Variants in TOPORS observed in about 807,000 individuals in gnomAD.
TOPORS encodes TOP1 binding arginine/serine rich protein, E3 ubiquitin ligase.
TOPORS carries 25 observed loss-of-function variants against 81.4 expected under a neutral mutation model. That is an observed-to-expected ratio of 0.31 (90% CI 0.22 to 0.43). The LOEUF (loss-of-function observed/expected upper bound fraction) is 0.43. TOPORS is among the 20% of genes least tolerant of loss of function. TOPORS has a pLI of 1.00. For missense variants in TOPORS, 1,101 were observed against 1,267.0 expected, an observed-to-expected ratio of 0.87 and a Z score of 1.99; for synonymous variants, 473 against 456.6, an observed-to-expected ratio of 1.04 and a Z score of -0.46.
chr9:32,552,471 T>A lies in TOPORS; in HGVS notation c.-35A>T. On this transcript the variant is annotated 5_prime_UTR_variant, in exon 1 of 3. Coordinates refer to ENST00000360538, the MANE Select transcript of TOPORS (RefSeq NM_005802.5). ...AAGTCGTCGCACGCTGGACTGGATTTATTCAGTGGTAAGTCCCGGGGATCG... is the reference window on the plus strand; with the variant it reads ...AAGTCGTCGCACGCTGGACTGGATTAATTCAGTGGTAAGTCCCGGGGATCG... 1.9e-6 allele frequency: 3 copies of A among 1,598,428 alleles called. No homozygotes were observed. Among genetic ancestry groups the A allele is most frequent in the Non-Finnish European group, 2.6e-6 (3 of 1,173,002 alleles).
intron 2 of TOPORS, among the ~76,000 whole-genome samples, chr9:32,546,354 G>A (rs1434624396): frequency 1.3e-5 from 2 of 152,182 alleles, no homozygotes; most frequent in East Asian, 3.8e-4. Context: ...TGTGTGTGTG[G>A]TAGAGGGAAG....
rs1821046647 is a variant in TOPORS at position 32,540,950 on chromosome 9, A to G, written c.*437T>C. On this transcript the variant is annotated 3_prime_UTR_variant, in exon 3 of 3. Transcript: ENST00000360538. ...CTGAAGAAATGGTTTTGAATCATAT[A>G]AATTTTTAAGAAGAAAAATAAAGAC... 2 of 155,114 alleles carry G rather than the reference A, an allele frequency of 1.3e-5. No individual in the cohort carries two copies. Among genetic ancestry groups the G allele is most frequent in the Non-Finnish European group, 2.9e-5 (2 of 69,648 alleles). 9.6% of individuals were successfully genotyped at this position (155,114 alleles called of 1,614,324 possible).
chr9:32,550,131 T>C (rs1020319701), intron 2 of TOPORS, among the ~76,000 whole-genome samples: 3 of 152,208 alleles, frequency 2.0e-5, no homozygotes, highest in Non-Finnish European at 4.4e-5. Flanking sequence ...AAATTACCTA[T>C]CAAAAGGTCT....
At position 32,543,499 on chromosome 9, in the gene TOPORS, T is replaced by G; in HGVS notation, c.1026A>C (p.Pro342=). ...AATGCTCAGTTCGATTAAGTAAAAA[T>G]GGTCTTAAATCAGACACAAATGCCT... ...ESQAFVSDLR[P]FLLNRTEHFI... Residue 342 remains proline (P), a synonymous_variant, in exon 3 of 3, where the codon CCA becomes CCC. Transcript: ENST00000360538. The surrounding 1 kb of genome is among the most constrained non-coding windows in gnomAD (Gnocchi z 5.6). The G allele has an allele frequency of 6.2e-7, 1 of 1,613,864 alleles. No individual in the cohort carries two copies. The highest frequency in any genetic ancestry group is 8.5e-7 in the Non-Finnish European group (1 of 1,179,992).
At chr9:32,549,596 A>G (rs1484878844) in intron 2 of TOPORS, among the ~76,000 whole-genome samples, 1 of 152,218 alleles carries the variant, frequency 6.6e-6, no homozygotes, top group East Asian at 1.9e-4. Flanking sequence ...AATGTTCTCT[A>G]TGTTACGTGA....
rs777171069 is a variant in TOPORS at position 32,550,943 on chromosome 9, G to T, written c.29C>A (p.Pro10Gln). The part of the protein sequence containing the change: MGSQPPLGS[P>Q]LSREEGEAPP... ...CGCTTCACCCTCCTCGCGAGACAGC[G>T]GAGACCCCAGCGGCGGCTGCGACCC... The change falls in exon 2 of 3, where the codon CCG becomes CAG. Residue 10 changes from proline to glutamine, a missense_variant. By Grantham distance (76) the Pro-to-Gln change is moderately conservative. Transcript: ENST00000360538. 31 of 1,612,020 alleles carry T rather than the reference G, an allele frequency of 1.9e-5. No homozygotes were observed. The highest frequency in any genetic ancestry group is 1.0e-4 in the Admixed American group (6 of 60,002).
At chr9:32,548,845 C>T (rs1235159788) in intron 2 of TOPORS, among the ~76,000 whole-genome samples, 8 of 151,988 alleles carry the variant, frequency 5.3e-5, no homozygotes, top group Non-Finnish European at 1.2e-4. Context: ...AATAACAATT[C>T]GGGGAAATTT....
In TOPORS at chr9:32,543,565, A is replaced by G. The variant is rs768937020; in HGVS notation, c.960T>C (p.His320=). The change falls in exon 3 of 3, where the codon CAT becomes CAC. Residue 320 remains histidine (H), a synonymous_variant. Transcript: ENST00000360538. This position sits in a 1 kb window ranked among gnomAD's most constrained non-coding sequence, Gnocchi z 5.6. ...AGCGAGTAACATTACTCATGATAATATGCTGGACAATATTCACTAAAGATC... is the reference window on the plus strand; with the variant it reads ...AGCGAGTAACATTACTCATGATAATGTGCTGGACAATATTCACTAAAGATC... ...AHGSLVNIVQ[H]IIMSNVTRYD... The G allele has an allele frequency of 6.2e-7, 1 of 1,613,766 alleles. No homozygotes were observed. The highest frequency in any genetic ancestry group is 1.3e-5 in the African/African-American group (1 of 75,044).
rs370068052 is a variant in TOPORS, at chr9:32,542,761, G to C, written c.1764C>G (p.Asn588Lys). Residue 588 changes from asparagine to lysine, a missense_variant, in exon 3 of 3, where the codon AAC becomes AAG. Around this residue, in one of 9 missense-constraint regions of TOPORS, gnomAD observed 605 missense variants for 636.1 expected, o/e 0.95. Coordinates refer to ENST00000360538, the MANE Select transcript of TOPORS (RefSeq NM_005802.5). ...VRGDRVYSPY[N>K]HRHRKRGRSR... ...ATCTTCCCCTCTTTCTGTGTCTATG[G>C]TTATATGGAGAATATACTCTGTCTC... 1 of 1,613,824 alleles carries C rather than the reference G, an allele frequency of 6.2e-7. No homozygotes were observed. Among genetic ancestry groups the C allele is most frequent in the African/African-American group, 1.3e-5 (1 of 74,888 alleles).
intron 1 of TOPORS, among the ~76,000 whole-genome samples, chr9:32,552,013 AAGCGTTAATTCTTCC>A (rs1400470681): frequency 1.2e-4 from 18 of 152,122 alleles, no homozygotes; most frequent in African/African-American, 4.3e-4. Flanking sequence ...GCGGGGGAGA[AAGCGTTAATTCTTCC>A]AGCTTTAGAG....
rs1464598287 is a variant in TOPORS at position 32,543,697 on chromosome 9, GCCA to G, written c.825_827del (p.Gly276del). ...ATTCAGCTGAAATATCCCTGTAGCG[GCCA>G]CCATCTTCAATATTTCTAACTCGAG... On this transcript the variant is annotated inframe_deletion, in exon 3 of 3. Transcript: ENST00000360538. The surrounding 1 kb of genome is among the most constrained non-coding windows in gnomAD (Gnocchi z 5.6). 6.2e-7 allele frequency: 1 copy of G among 1,612,870 alleles called. No individual in the cohort carries two copies. Among genetic ancestry groups the G allele is most frequent in the East Asian group, 2.2e-5 (1 of 44,872 alleles).
In TOPORS at chr9:32,542,973, G is replaced by C. The variant is rs1238603028; in HGVS notation, c.1552C>G (p.Gln518Glu). 2 of 1,614,052 alleles carry C rather than the reference G, an allele frequency of 1.2e-6. No individual in the cohort carries two copies. Among genetic ancestry groups the C allele is most frequent in the Admixed American group, 1.7e-5 (1 of 60,008 alleles). Residue 518 changes from glutamine to glutamate, a missense_variant, in exon 3 of 3, where the codon CAG (glutamine) becomes GAG (glutamate). By Grantham distance (29) the Gln-to-Glu change is conservative (BLOSUM62 2). This residue lies in a region of TOPORS where 605 missense variants were observed against 636.1 expected (regional missense o/e 0.95). Coordinates refer to ENST00000360538, the MANE Select transcript of TOPORS (RefSeq NM_005802.5). Reference sequence around the variant, plus strand: ...TCACCAGAACTGTAAGATTGCTCCTGTTCTTGTGTCTTCACTGTCTCCATT... The same window carrying C: ...TCACCAGAACTGTAAGATTGCTCCTCTTCTTGTGTCTTCACTGTCTCCATT... ...EKMETVKTQE[Q>E]EQSYSSGDSD... is the part of the protein sequence containing the mutation.
rs1040475490 is a variant in TOPORS at position 32,552,503 on chromosome 9, C to G, written c.-67G>C. 1 of 1,570,878 alleles carries G rather than the reference C, an allele frequency of 6.4e-7. No individual in the cohort carries two copies. The highest frequency in any genetic ancestry group is 1.4e-5 in the African/African-American group (1 of 74,016). On this transcript the variant is annotated 5_prime_UTR_variant, in exon 1 of 3. Coordinates refer to ENST00000360538, the MANE Select transcript of TOPORS (RefSeq NM_005802.5). Reference sequence around the variant, plus strand: ...TGGTAAGTCCCGGGGATCGCGGGCCCCCACCGTGTCGACTCACTGGGCCCG... The same window carrying G: ...TGGTAAGTCCCGGGGATCGCGGGCCGCCACCGTGTCGACTCACTGGGCCCG...
In TOPORS at chr9:32,552,176, A is replaced by G. The variant is rs1260840532; in HGVS notation, c.3+258T>C. The G allele has an allele frequency of 1.6e-4, 8 of 48,524 alleles. No individual in the cohort carries two copies. In the Admixed American group the frequency reaches 1.8e-3, roughly 11 times the overall value. 3.0% of individuals were successfully genotyped at this position (48,524 alleles called of 1,614,324 possible). On this transcript the variant is annotated intron_variant, in intron 1 of 2. Coordinates refer to ENST00000360538, the MANE Select transcript of TOPORS (RefSeq NM_005802.5). ...GGTACGCCTATCTCCTTAGTTGGCAAAAAAAAAAAAAAAAAAGCAATTTTT... is the reference window on the plus strand; with the variant it reads ...GGTACGCCTATCTCCTTAGTTGGCAGAAAAAAAAAAAAAAAAGCAATTTTT...
Position 32,542,459 on chromosome 9 carries a change from C to A in TOPORS, c.2066G>T (p.Arg689Leu). Reference sequence around the variant, plus strand: ...TCCATAATTATTTCTTAAATAATAACGATCTCTATTTCTGCTCCGTGATCT... The same window carrying A: ...TCCATAATTATTTCTTAAATAATAAAGATCTCTATTTCTGCTCCGTGATCT... The part of the protein sequence containing the change: ...KRRSRSRNRD[R>L]YYLRNNYGSR... The change falls in exon 3 of 3, where the codon CGT becomes CTT. Residue 689 changes from arginine (R) to leucine (L), a missense_variant. By Grantham distance (102) the Arg-to-Leu change is moderately radical. Coordinates refer to ENST00000360538, the MANE Select transcript of TOPORS (RefSeq NM_005802.5). 3 of 1,613,488 alleles carry A rather than the reference C, an allele frequency of 1.9e-6. No homozygotes were observed. The highest frequency in any genetic ancestry group is 2.5e-6 in the Non-Finnish European group (3 of 1,179,934).
At chr9:32,550,006 T>C (rs765635474) in intron 2 of TOPORS, among the ~76,000 whole-genome samples, 32 of 152,240 alleles carry the variant, frequency 2.1e-4, no homozygotes, top group Non-Finnish European at 4.3e-4. Flanking sequence ...GTATGATTGA[T>C]TTTAGCTGAT....
In TOPORS at chr9:32,541,896, C is replaced by G. The variant is rs777831395; in HGVS notation, c.2629G>C (p.Asp877His). 2 of 1,613,934 alleles carry G rather than the reference C, an allele frequency of 1.2e-6. No individual in the cohort carries two copies. Among genetic ancestry groups the G allele is most frequent in the South Asian group, 2.2e-5 (2 of 91,058 alleles). Residue 877 changes from aspartate (D) to histidine (H), a missense_variant, in exon 3 of 3, where the codon GAT becomes CAT. Around this residue, in one of 9 missense-constraint regions of TOPORS, gnomAD observed 605 missense variants for 636.1 expected, o/e 0.95. Coordinates refer to ENST00000360538, the MANE Select transcript of TOPORS (RefSeq NM_005802.5). ...VEIVYEGKAT[D>H]TTKHHKKKKK... ...TTCTTTTTATGGTGTTTAGTTGTAT[C>G]AGTAGCTTTTCCTTCATAAACTATC...
chr9:32,543,853 A>G lies in TOPORS; in HGVS notation c.672T>C (p.Asp224=), dbSNP rs1821107155. Residue 224 remains aspartate, a synonymous_variant, in exon 3 of 3, where the codon GAT becomes GAC. Transcript: ENST00000360538. This position sits in a 1 kb window ranked among gnomAD's most constrained non-coding sequence, Gnocchi z 5.6. The part of the protein sequence containing the change: ...EGLGISTRPR[D]VEIPQFMRQI... Reference sequence around the variant, plus strand: ...GTCTCATAAACTGAGGAATTTCAACATCTCTAGGTCTTGTTGAAATGCCTA... The same window carrying G: ...GTCTCATAAACTGAGGAATTTCAACGTCTCTAGGTCTTGTTGAAATGCCTA... The G allele has an allele frequency of 6.2e-7, 1 of 1,614,162 alleles. No individual in the cohort carries two copies. The highest frequency in any genetic ancestry group is 8.5e-7 in the Non-Finnish European group (1 of 1,180,022).
In TOPORS at chr9:32,543,159, A is replaced by T; in HGVS notation, c.1366T>A (p.Ser456Thr). Residue 456 changes from serine to threonine, a missense_variant, in exon 3 of 3, where the codon TCT becomes ACT. Coordinates refer to ENST00000360538, the MANE Select transcript of TOPORS (RefSeq NM_005802.5). The surrounding 1 kb of genome is among the most constrained non-coding windows in gnomAD (Gnocchi z 5.6). The stretch of plus-strand genomic sequence containing the variant: ...TTGGTTTGTACTCCTTGTATCTGAG[A>T]CGTGGCTCCTCCTGTGACAAGTTCT... ...DEELVTGGAT[S>T]QIQGVQTNDD... 2 of 1,614,030 alleles carry T rather than the reference A, an allele frequency of 1.2e-6. No individual in the cohort carries two copies. Among genetic ancestry groups the T allele is most frequent in the Non-Finnish European group, 1.7e-6 (2 of 1,180,018 alleles).
Sources: allele counts gnomAD v4.1 joint callset (sites outside exome capture counted in the v4.1 genomes callset), GRCh38; gene constraint gnomAD v4.1.1; regional missense constraint gnomAD v4.1.1; non-coding constraint Gnocchi (gnomAD v3.1); transcripts MANE v1.5; gene names NCBI Gene and HGNC (gene_info 2026-07-23, HGNC 2026-07-21).